Variants in MEGF9 observed in about 807,000 individuals in gnomAD.
MEGF9 encodes the protein multiple epidermal growth factor-like domains protein 9.
A neutral mutation model predicts 46.8 loss-of-function variants in MEGF9; 6 were observed. That is an observed-to-expected ratio of 0.13 (90% CI 0.07 to 0.25). The LOEUF is 0.25. Ranked by LOEUF, MEGF9 falls within the 10% of genes least tolerant of loss-of-function variation. The pLI, the probability that MEGF9 is intolerant of heterozygous loss-of-function variation, is 1.00. For synonymous variants in MEGF9, 302 were observed against 330.7 expected (o/e 0.91, Z 0.94); for missense variants, 683 against 792.4 (o/e 0.86, Z 1.66).
At chr9:120,661,278 C>T (rs528383775) in intron 1 of MEGF9, among the ~76,000 whole-genome samples, 1 of 152,286 alleles carries the variant, frequency 6.6e-6, no homozygotes, top group African/African-American at 2.4e-5. Flanking sequence ...CTTTAGGAGG[C>T]CAAGGTGGGC....
intron 2 of MEGF9, among the ~76,000 whole-genome samples, chr9:120,634,252 T>C (rs567625090): frequency 6.6e-6 from 1 of 152,116 alleles, no homozygotes; most frequent in Admixed American, 6.5e-5. Context: ...TCTAATAATA[T>C]GTGCATATGT....
In MEGF9 at chr9:120,604,435, G is replaced by A. The variant is rs1009336993; in HGVS notation, c.*755C>T. 6 of 152,094 alleles carry A rather than the reference G, an allele frequency of 3.9e-5. No homozygotes were observed. The highest frequency in any genetic ancestry group is 1.2e-4 in the African/African-American group (5 of 41,252). The allele number at this position is 152,094 out of a possible 1,614,324, so 9.4% of individuals were successfully genotyped here. On this transcript the variant is annotated 3_prime_UTR_variant, in exon 6 of 6. Coordinates refer to ENST00000373930, the MANE Select transcript of MEGF9 (RefSeq NM_001080497.3). ...TTTTACAAATAGATACAAATACAAC[G>A]TCGACCAGATATGCTACATTAACTA... is the stretch of plus-strand genomic sequence containing the variant.
chr9:120,687,290 T>C (rs559213414), intron 1 of MEGF9, among the ~76,000 whole-genome samples: 1 of 152,262 alleles, frequency 6.6e-6, no homozygotes, highest in East Asian at 1.9e-4. Context: ...TTGTGAGAAA[T>C]ATAGATTCTC....
intron 1 of MEGF9, among the ~76,000 whole-genome samples, chr9:120,675,761 G>A (rs139031248): frequency 0.031 from 4,698 of 151,444 alleles, 83 homozygotes; most frequent in African/African-American, 0.042. Context: ...GGTGGCGGGC[G>A]CCTGTAATCC....
At chr9:120,652,478 TAAA>T (rs57268783) in intron 2 of MEGF9, among the ~76,000 whole-genome samples, 44,988 of 85,368 alleles carry the variant, frequency 0.53, 10,781 homozygotes, top group South Asian at 0.64. Context: ...GATCTTGTCT[TAAA>T]AAAAAAAAAA....
At chr9:120,610,972 C>G (rs2043442547) in intron 4 of MEGF9, among the ~76,000 whole-genome samples, 1 of 152,098 alleles carries the variant, frequency 6.6e-6, no homozygotes, top group South Asian at 2.1e-4. Context: ...AGACATTTCT[C>G]TAAATATATG....
In MEGF9 at chr9:120,633,072, T is replaced by C. The variant is rs1273857852; in HGVS notation, c.804-10317A>G. Among the ~76,000 whole-genome samples the C allele has an allele frequency of 2.0e-5, 3 of 152,194 alleles. 1 individual carries two copies. Among genetic ancestry groups the C allele is most frequent in the Admixed American group, 2.0e-4 (3 of 15,282 alleles). ...TTTTCTTTTTTGTGTTGTGTCCTTG[T>C]CTGGTTTTGGTATCAGGGTGATGCT... On this transcript the variant is annotated intron_variant, in intron 2 of 5. Transcript: ENST00000373930.
At position 120,659,546 on chromosome 9, in the gene MEGF9, T is replaced by G; in HGVS notation, c.631A>C (p.Ser211Arg). The change falls in exon 2 of 6, where the codon AGC becomes CGC. Residue 211 changes from serine (S) to arginine (R), a missense_variant. By Grantham distance (110) the Ser-to-Arg change is moderately radical. Coordinates refer to ENST00000373930, the MANE Select transcript of MEGF9 (RefSeq NM_001080497.3). The part of the protein sequence containing the change: ...EYVCNCSVVG[S>R]LNVNRCNQTT... The stretch of plus-strand genomic sequence containing the variant: ...TGGTTGCAGCGATTCACATTCAGGC[T>G]TCCAACCACAGAGCAGTTACATACA... 1 of 1,612,950 alleles carries G rather than the reference T, an allele frequency of 6.2e-7. No individual in the cohort carries two copies. The highest frequency in any genetic ancestry group is 8.5e-7 in the Non-Finnish European group (1 of 1,179,480).
rs1470831501 is a variant in MEGF9 at position 120,601,048 on chromosome 9, G to A, written c.*4142C>T. 1 of 152,612 alleles carries A rather than the reference G, an allele frequency of 6.6e-6. No homozygotes were observed. Among genetic ancestry groups the A allele is most frequent in the African/African-American group, 2.4e-5 (1 of 41,450 alleles). The allele number at this position is 152,612 out of a possible 1,614,324, so 9.5% of individuals were successfully genotyped here. A position where few individuals can be genotyped will look rare whatever the true frequency, so the allele number is the denominator to read the frequency against. ...ATGAAGCCTAGTACAGCATATGTAT[G>A]AGACACATTTTTTAAGTTTGTGTTA... On this transcript the variant is annotated 3_prime_UTR_variant, in exon 6 of 6. Coordinates refer to ENST00000373930, the MANE Select transcript of MEGF9 (RefSeq NM_001080497.3).
intron 1 of MEGF9, among the ~76,000 whole-genome samples, chr9:120,684,382 A>G (rs1242361186): frequency 6.6e-6 from 1 of 152,234 alleles, no homozygotes; most frequent in Non-Finnish European, 1.5e-5. Flanking sequence ...GAAGCAAGTA[A>G]AATAGCTGAG....
intron 2 of MEGF9, among the ~76,000 whole-genome samples, chr9:120,652,478 T>TAAAAAAAAAAA (rs57268783): frequency 2.3e-5 from 2 of 85,598 alleles, no homozygotes; most frequent in African/African-American, 4.5e-5. Context: ...GATCTTGTCT[T>TAAAAAAAAAAA]AAAAAAAAAA....
intron 1 of MEGF9, among the ~76,000 whole-genome samples, chr9:120,702,352 T>C (rs1564431446): frequency 1.3e-5 from 2 of 152,352 alleles, no homozygotes; most frequent in South Asian, 2.1e-4. Context: ...CTTGATCTTA[T>C]ATAAGTAAAG....
chr9:120,608,171 T>C (rs1179169025), intron 4 of MEGF9, among the ~76,000 whole-genome samples, 161 bp from the exon 5 acceptor site: 2 of 152,162 alleles, frequency 1.3e-5, no homozygotes, highest in Non-Finnish European at 2.9e-5. Flanking sequence ...CTGGGCAACA[T>C]GATGAGACCC....
intron 3 of MEGF9, among the ~76,000 whole-genome samples, chr9:120,618,945 A>T (rs942070322): frequency 4.6e-5 from 7 of 151,484 alleles, no homozygotes; most frequent in Admixed American, 2.0e-4. Flanking sequence ...ATCTTTCCTC[A>T]TTTACAGGGG....
intron 2 of MEGF9, among the ~76,000 whole-genome samples, chr9:120,644,747 G>A (rs2043618260): frequency 6.6e-6 from 1 of 152,174 alleles, no homozygotes; most frequent in Admixed American, 6.5e-5. Flanking sequence ...TAAACAGTCG[G>A]TAAATGTTAG....
intron 2 of MEGF9, among the ~76,000 whole-genome samples, chr9:120,631,447 G>A (rs573749987): frequency 6.0e-5 from 9 of 150,322 alleles, no homozygotes; most frequent in African/African-American, 1.9e-4. Flanking sequence ...CAGAATTTGA[G>A]TATTTGAGGT....
chr9:120,643,287 A>T (rs551790673), intron 2 of MEGF9, among the ~76,000 whole-genome samples: 5 of 152,300 alleles, frequency 3.3e-5, no homozygotes, highest in African/African-American at 1.2e-4. Context: ...CAGGGAATAG[A>T]GAGGAAGACA....
intron 1 of MEGF9, among the ~76,000 whole-genome samples, chr9:120,710,985 A>G (rs540919233): frequency 2.6e-5 from 4 of 152,208 alleles, no homozygotes; most frequent in Non-Finnish European, 5.9e-5. Context: ...TCCTTCCAAG[A>G]TTTTTTCACC....
In MEGF9 at chr9:120,711,844, TAC is replaced by T. The variant is rs924373123; in HGVS notation, c.601+1912_601+1913del. Among the ~76,000 whole-genome samples the T allele has an allele frequency of 4.3e-4, 61 of 143,524 alleles. No individual in the cohort carries two copies. In the South Asian group the frequency reaches 5.3e-3, roughly 12 times the overall value. 94.2% of individuals were successfully genotyped at this position (143,524 alleles called of 152,430 possible). ...CAAATGCTTTCTATACATACATACA[TAC>T]ACACACACACACACACACACACACA... On this transcript the variant is annotated intron_variant, in intron 1 of 5. Coordinates refer to ENST00000373930, the MANE Select transcript of MEGF9 (RefSeq NM_001080497.3).
Sources: allele counts gnomAD v4.1 joint callset (sites outside exome capture counted in the v4.1 genomes callset), GRCh38; gene constraint gnomAD v4.1.1; transcripts MANE v1.5; gene names NCBI Gene and HGNC (gene_info 2026-07-23, HGNC 2026-07-21).